The following EGFR variants were observed in gnomAD, a reference collection of about 807,000 sequenced individuals.
The protein encoded by EGFR is avian erythroblastic leukemia viral (v-erb-b) oncogene homolog.
A neutral mutation model predicts 143.0 loss-of-function variants in EGFR; 58 were observed. The ratio of observed to expected loss-of-function variants is 0.41; its 90% CI spans 0.33 to 0.50. The LOEUF is 0.50. EGFR is among the 20% of genes least tolerant of loss of function. The pLI, the probability that EGFR is intolerant of heterozygous loss-of-function variation, is 0.39. For missense variants in EGFR, 1,307 were observed against 1,579.0 expected (o/e 0.83, Z 2.92); for synonymous variants, 613 against 594.4 (o/e 1.03, Z -0.45).
At chr7:55,079,607 C>T (rs1354379656) in intron 1 of EGFR, among the ~76,000 whole-genome samples, 2 of 149,594 alleles carry the variant, frequency 1.3e-5, no homozygotes, top group African/African-American at 4.9e-5. Context: ...TTTGTTTGTT[C>T]GTTTTCAAAA....
chr7:55,171,144 A>G (rs1786330813), intron 15 of EGFR, 31 bp from the exon 16 acceptor site: 1 of 1,613,888 alleles, frequency 6.2e-7, no homozygotes, highest in African/African-American at 1.3e-5. Flanking sequence ...TAGAATGAGA[A>G]AAATGTATAT....
chr7:55,191,136 C>CAGGG (rs1787375573), intron 20 of EGFR, among the ~76,000 whole-genome samples: 1 of 152,082 alleles, frequency 6.6e-6, no homozygotes, highest in Admixed American at 6.6e-5. Context: ...TGGAGGCAGC[C>CAGGG]AGGGAGGTGG....
intron 1 of EGFR, among the ~76,000 whole-genome samples, chr7:55,062,329 C>T (rs968411602): frequency 4.6e-5 from 7 of 152,094 alleles, no homozygotes; most frequent in Non-Finnish European, 8.8e-5. Context: ...GGAGTGTTGG[C>T]TTTGGAGGCA....
chr7:55,070,181 T>G (rs1789737966), intron 1 of EGFR, among the ~76,000 whole-genome samples: 1 of 152,218 alleles, frequency 6.6e-6, no homozygotes, highest in South Asian at 2.1e-4. Context: ...CCAGGCTGCA[T>G]CTAAGAAAAC....
chr7:55,046,409 G>A (rs1430625048), intron 1 of EGFR, among the ~76,000 whole-genome samples: 1 of 152,128 alleles, frequency 6.6e-6, no homozygotes. Context: ...AATGAAGTGA[G>A]GCCTAATTCC....
chr7:55,072,595 A>T (rs1002051218), intron 1 of EGFR, among the ~76,000 whole-genome samples: 1 of 152,182 alleles, frequency 6.6e-6, no homozygotes, highest in Non-Finnish European at 1.5e-5. Flanking sequence ...CAAAGTTACC[A>T]ACAGTTTCAT....
rs1338409357 is a variant in EGFR at position 55,173,107 on chromosome 7, C to G, written c.2044C>G (p.Leu682Val). The G allele has an allele frequency of 1.2e-6, 2 of 1,611,306 alleles. No individual in the cohort carries two copies. The highest frequency in any genetic ancestry group is 1.3e-5 in the African/African-American group (1 of 74,928). ...CGTTCGGAAGCGCACGCTGCGGAGGCTGCTGCAGGAGAGGGAGGTGAGTGC... is the reference window on the plus strand; with the variant it reads ...CGTTCGGAAGCGCACGCTGCGGAGGGTGCTGCAGGAGAGGGAGGTGAGTGC... ...HIVRKRTLRR[L>V]LQERELVEPL... The change falls in exon 17 of 28, where the codon CTG (leucine) becomes GTG (valine). Residue 682 changes from leucine (L) to valine (V), a missense_variant. Physicochemically the swap from Leu to Val is conservative, Grantham distance 32 (BLOSUM62 1). This residue lies in a region of EGFR where 348 missense variants were observed against 451.5 expected (regional missense o/e 0.77). Transcript: ENST00000275493.
intron 3 of EGFR, among the ~76,000 whole-genome samples, chr7:55,144,207 C>G (rs1295740996): frequency 6.6e-6 from 1 of 152,160 alleles, no homozygotes; most frequent in Non-Finnish European, 1.5e-5. Context: ...TCTGGCTGGA[C>G]CCCGCCGAGG....
At chr7:55,157,103 C>G (rs1217134267) in intron 10 of EGFR, among the ~76,000 whole-genome samples, 1 of 151,464 alleles carries the variant, frequency 6.6e-6, no homozygotes, top group Non-Finnish European at 1.5e-5. Flanking sequence ...CCCATAACCC[C>G]TGAGGGTAGA....
At chr7:55,166,390 T>C in intron 15 of EGFR, 1 of 542,640 alleles carries the variant, frequency 1.8e-6, no homozygotes, top group South Asian at 1.5e-5. Context: ...ATGAGTTGTG[T>C]GCCCTTGGGC....
At position 55,202,577 on chromosome 7, in the gene EGFR, G is replaced by A. The variant is rs776375114; in HGVS notation, c.3223G>A (p.Gly1075Ser). Residue 1075 changes from glycine (G) to serine (S), a missense_variant, in exon 27 of 28, where the codon GGC (glycine) becomes AGC (serine). Coordinates refer to ENST00000275493, the MANE Select transcript of EGFR (RefSeq NM_005228.5). The part of the protein sequence containing the change: ...FLQRYSSDPT[G>S]ALTEDSIDDT... ...GCAGCGATACAGCTCAGACCCCACA[G>A]GCGCCTTGACTGAGGACAGCATAGA... 1 of 1,613,558 alleles carries A rather than the reference G, an allele frequency of 6.2e-7. No individual in the cohort carries two copies. Among genetic ancestry groups the A allele is most frequent in the Non-Finnish European group, 8.5e-7 (1 of 1,179,744 alleles).
At chr7:55,106,709 C>T (rs918549199) in intron 1 of EGFR, among the ~76,000 whole-genome samples, 15 of 152,204 alleles carry the variant, frequency 9.9e-5, no homozygotes, top group African/African-American at 3.6e-4. Flanking sequence ...GACATGTCTC[C>T]TAAACTCTGG....
At chr7:55,203,516 A>G (rs901326858) in intron 27 of EGFR, among the ~76,000 whole-genome samples, 3 of 148,772 alleles carry the variant, frequency 2.0e-5, no homozygotes, top group South Asian at 2.2e-4. Flanking sequence ...TACACACACC[A>G]TTACATACAC....
At chr7:55,059,575 C>T (rs1392480925) in intron 1 of EGFR, among the ~76,000 whole-genome samples, 3 of 152,086 alleles carry the variant, frequency 2.0e-5, no homozygotes, top group Admixed American at 2.0e-4. Flanking sequence ...TACTATATCA[C>T]GCAGAGTCGT....
At chr7:55,022,270 C>G (rs7787739) in intron 1 of EGFR, among the ~76,000 whole-genome samples, 2 of 152,102 alleles carry the variant, frequency 1.3e-5, no homozygotes, top group Non-Finnish European at 2.9e-5. Flanking sequence ...CAAGGCGAGT[C>G]GAATTCCCAA....
intron 24 of EGFR, 36 bp from the exon 25 acceptor site, chr7:55,201,152 C>A (rs773041346): frequency 6.2e-7 from 1 of 1,613,784 alleles, no homozygotes; most frequent in East Asian, 2.2e-5. Flanking sequence ...AGCATCTCTA[C>A]GGGCCATTCT....
intron 27 of EGFR, chr7:55,203,119 A>G (rs746684046): frequency 3.1e-5 from 8 of 261,832 alleles, no homozygotes; most frequent in Non-Finnish European, 5.9e-5. Context: ...ACACACATAC[A>G]CATACACACA....
At chr7:55,039,672 C>G (rs1052253109) in intron 1 of EGFR, among the ~76,000 whole-genome samples, 14 of 152,146 alleles carry the variant, frequency 9.2e-5, no homozygotes, top group African/African-American at 3.1e-4. Flanking sequence ...AAGAGAAGGT[C>G]TGTGGATACT....
chr7:55,091,847 AACACACAC>A (rs71014681), intron 1 of EGFR, among the ~76,000 whole-genome samples: 4,894 of 132,078 alleles, frequency 0.037, 108 homozygotes, highest in African/African-American at 0.068. Context: ...ACCCACTGTA[AACACACAC>A]ACACACACAC....
Sources: gnomAD v4.1 joint callset for allele counts (sites outside exome capture counted in the v4.1 genomes callset) on GRCh38, gnomAD v4.1.1 for gene constraint, gnomAD v4.1.1 regional missense constraint, MANE v1.5 for transcripts, NCBI Gene and HGNC (gene_info 2026-07-23, HGNC 2026-07-21) for gene names.